Variants in AACS observed in about 807,000 individuals in gnomAD.
AACS encodes acetoacetate-CoA ligase.
A neutral mutation model predicts 83.1 loss-of-function variants in AACS; 69 were observed. The ratio of observed to expected loss-of-function variants is 0.83; its 90% CI spans 0.68 to 1.01. AACS has a LOEUF of 1.01. Ranked by LOEUF, AACS falls within the 50% of genes least tolerant of loss-of-function variation. The probability of loss-of-function intolerance (pLI) is 0.00; values close to 1 mark genes in which losing one functional copy is unlikely to be tolerated. For synonymous variants in AACS, 333 were observed against 343.4 expected (o/e 0.97, Z 0.33); for missense variants, 866 against 882.2 (o/e 0.98, Z 0.23).
At chr12:125,116,210 C>T (rs1957049543) in intron 9 of AACS, among the ~76,000 whole-genome samples, 1 of 152,030 alleles carries the variant, frequency 6.6e-6, no homozygotes, top group African/African-American at 2.4e-5. Context: ...AGTGCAGTGT[C>T]CTTACGGAGG....
chr12:125,091,593 C>T, intron 5 of AACS, 70 bp downstream of exon 5: 1 of 1,510,778 alleles, frequency 6.6e-7, no homozygotes. Flanking sequence ...GCTGCATGGG[C>T]TGAATTCCCA....
chr12:125,133,889 A>C (rs1281937830), intron 14 of AACS, 114 bp from the exon 15 acceptor site: 2 of 1,047,358 alleles, frequency 1.9e-6, no homozygotes, highest in African/African-American at 3.1e-5. Context: ...GCCCCATGCC[A>C]GACCTGCCTC....
chr12:125,115,150 G>A (rs1231165285), intron 9 of AACS, among the ~76,000 whole-genome samples: 1 of 152,166 alleles, frequency 6.6e-6, no homozygotes, highest in East Asian at 1.9e-4. Flanking sequence ...AAGACAGAAG[G>A]TTAGGACATG....
chr12:125,092,148 C>T (rs980637624), intron 5 of AACS, among the ~76,000 whole-genome samples: 2 of 152,078 alleles, frequency 1.3e-5, no homozygotes, highest in Non-Finnish European at 2.9e-5. Context: ...GCGGGTCTTC[C>T]TGGGGCCCCC....
chr12:125,107,048 CG>C, intron 7 of AACS, 72 bp from the exon 8 acceptor site: 1 of 1,592,698 alleles, frequency 6.3e-7, no homozygotes, highest in Non-Finnish European at 8.6e-7. Flanking sequence ...GGGAAGTGCA[CG>C]GGTGGAATCA....
intron 3 of AACS, among the ~76,000 whole-genome samples, chr12:125,078,963 G>A (rs978449770): frequency 6.6e-6 from 1 of 152,080 alleles, no homozygotes; most frequent in Non-Finnish European, 1.5e-5. Context: ...GTAAAGCATT[G>A]TGATGGGAAA....
chr12:125,101,498 T>C (rs1956707283), intron 5 of AACS: 1 of 152,206 alleles, frequency 6.6e-6, no homozygotes, highest in Admixed American at 6.5e-5. Flanking sequence ...TCCTCTTTAA[T>C]TGAAGATTCC....
At chr12:125,074,064 T>G (rs1955951379) in intron 2 of AACS, 85 bp downstream of exon 2, 1 of 1,134,030 alleles carries the variant, frequency 8.8e-7, no homozygotes, top group Non-Finnish European at 1.3e-6. Context: ...TACTGAATTG[T>G]ATCTCCTTTT....
At chr12:125,104,952 G>A (rs1251794913) in intron 7 of AACS, among the ~76,000 whole-genome samples, 1 of 151,656 alleles carries the variant, frequency 6.6e-6, no homozygotes, top group African/African-American at 2.4e-5. Context: ...TGATCATGGC[G>A]GAAGGGAAGT....
intron 5 of AACS, among the ~76,000 whole-genome samples, chr12:125,092,090 C>A (rs577171203): frequency 1.1e-4 from 17 of 152,312 alleles, no homozygotes; most frequent in Non-Finnish European, 1.8e-4. Context: ...CCCACTGGGG[C>A]CCCCCAGCCT....
intron 3 of AACS, among the ~76,000 whole-genome samples, chr12:125,082,832 GAC>G (rs141554450): frequency 1.3e-5 from 2 of 150,950 alleles, no homozygotes; most frequent in African/African-American, 4.9e-5. Context: ...AACACACACA[GAC>G]ACACACACAC....
In AACS at chr12:125,094,143, C is replaced by A. The variant is rs1956553205; in HGVS notation, c.570+2620C>A. On this transcript the variant is annotated intron_variant, in intron 5 of 17. Coordinates refer to ENST00000316519, the MANE Select transcript of AACS (RefSeq NM_023928.5). This position sits in a 1 kb window ranked among gnomAD's most constrained non-coding sequence, Gnocchi z 4.1. ...TGATGAGGTGGGGCTGGAACTGAGCCAAGGCTGATGGGTTCTGGGCTCGTG... is the reference window on the plus strand; with the variant it reads ...TGATGAGGTGGGGCTGGAACTGAGCAAAGGCTGATGGGTTCTGGGCTCGTG... Among the ~76,000 whole-genome samples the A allele has an allele frequency of 6.6e-6, 1 of 152,140 alleles. No homozygotes were observed. Among genetic ancestry groups the A allele is most frequent in the African/African-American group, 2.4e-5 (1 of 41,424 alleles).
intron 5 of AACS, among the ~76,000 whole-genome samples, chr12:125,098,741 G>A (rs545367031): frequency 1.8e-4 from 27 of 152,312 alleles, no homozygotes; most frequent in African/African-American, 5.3e-4. Flanking sequence ...GTGAGCCACC[G>A]CTCCTGGCCC....
chr12:125,129,336 A>T lies in AACS; in HGVS notation c.1425A>T (p.Gly475=), dbSNP rs1165635630. The T allele has an allele frequency of 1.2e-6, 2 of 1,612,098 alleles. No homozygotes were observed. Among genetic ancestry groups the T allele is most frequent in the Admixed American group, 3.4e-5 (2 of 59,642 alleles). Residue 475 remains glycine (G), a splice_region_variant and synonymous_variant, in exon 14 of 18, where the codon GGA becomes GGT. Coordinates refer to ENST00000316519, the MANE Select transcript of AACS (RefSeq NM_023928.5). This position sits in a 1 kb window ranked among gnomAD's most constrained non-coding sequence, Gnocchi z 4.3. ...TTATTTTTAATTCTCCCATACCAGG[A>T]AAGGCGGTCTGGGGAGAGAGCGGCG... The part of the protein sequence containing the change: ...GMAVEAWNEE[G]KAVWGESGEL...
chr12:125,131,787 C>T (rs12300128), intron 14 of AACS, among the ~76,000 whole-genome samples: 9,811 of 151,934 alleles, frequency 0.065, 721 homozygotes, highest in African/African-American at 0.18. Context: ...TTAGCGGAGA[C>T]GGTGTTTCAC....
In AACS at chr12:125,127,140, A is replaced by T. The variant is rs540377510; in HGVS notation, c.1310-1021A>T. Reference sequence around the variant, plus strand: ...GGGCAACAAGAGTGAAACTCCGTCTAAAAAAAAAAAGGTGCCATTTGCCCG... The same window carrying T: ...GGGCAACAAGAGTGAAACTCCGTCTTAAAAAAAAAAGGTGCCATTTGCCCG... On this transcript the variant is annotated intron_variant, in intron 12 of 17. Transcript: ENST00000316519. The T allele has an allele frequency of 8.0e-3, 1,146 of 143,340 alleles. 6 individuals are homozygous for T. Among genetic ancestry groups the T allele is most frequent in the Non-Finnish European group, 0.012 (772 of 64,960 alleles). 8.9% of individuals were successfully genotyped at this position (143,340 alleles called of 1,614,324 possible). A position where few individuals can be genotyped will look rare whatever the true frequency, so the allele number is the denominator to read the frequency against.
intron 5 of AACS, chr12:125,102,165 G>T (rs149890307): frequency 1.3e-5 from 2 of 152,040 alleles, no homozygotes; most frequent in East Asian, 3.9e-4. Flanking sequence ...ATTCTCCTGC[G>T]TCAGCCTCTG....
At chr12:125,118,573 G>T in intron 9 of AACS, 68 bp from the exon 10 acceptor site, 1 of 1,586,550 alleles carries the variant, frequency 6.3e-7, no homozygotes, top group Non-Finnish European at 8.6e-7. Context: ...GACACAGGAA[G>T]CTGAGGGGGC....
intron 3 of AACS, among the ~76,000 whole-genome samples, chr12:125,082,808 G>T (rs1380966527): frequency 6.6e-6 from 1 of 152,108 alleles, no homozygotes; most frequent in African/African-American, 2.4e-5. Flanking sequence ...GTGACAGAGC[G>T]AGACTCTGTC....
Sources: allele counts gnomAD v4.1 joint callset (sites outside exome capture counted in the v4.1 genomes callset), GRCh38; gene constraint gnomAD v4.1.1; non-coding constraint Gnocchi (gnomAD v3.1); transcripts MANE v1.5; gene names NCBI Gene and HGNC (gene_info 2026-07-23, HGNC 2026-07-21).